GPHN: variants seen among roughly 807,000 people sequenced by gnomAD.
GPHN encodes the protein gephyrin.
In GPHN, 17 loss-of-function variants were observed where a neutral mutation model predicts 95.5. The ratio of observed to expected loss-of-function variants is 0.18; its 90% confidence interval spans 0.12 to 0.27. GPHN has a LOEUF of 0.27. GPHN is among the 10% of genes least tolerant of loss of function. The probability of loss-of-function intolerance (pLI) is 1.00; values close to 1 mark genes in which losing one functional copy is unlikely to be tolerated. For synonymous variants in GPHN, 320 were observed against 322.5 expected, an observed-to-expected ratio of 0.99 and a Z score of 0.08; for missense variants, 660 against 978.1, an observed-to-expected ratio of 0.67 and a Z score of 4.34.
chr14:67,289,465 A>G, the GPHN span, among the ~76,000 whole-genome samples: 1 of 152,056 alleles, frequency 6.6e-6, no homozygotes, highest in African/African-American at 2.4e-5. Context: ...AGCATCTGCA[A>G]ATTTTTCTGT....
the GPHN span, chr14:67,642,061 T>A: frequency 2.0e-6 from 2 of 976,654 alleles, no homozygotes; most frequent in African/African-American, 3.3e-5. Flanking sequence ...TTTGACATTT[T>A]AAATTTTACT....
the GPHN span, chr14:67,347,399 T>G: frequency 1.9e-6 from 3 of 1,595,210 alleles, no homozygotes; most frequent in Admixed American, 5.1e-5. Context: ...ACAAAAAGTT[T>G]CACACTTACT....
At chr14:66,794,000 C>G (rs1447879535) in intron 3 of GPHN, among the ~76,000 whole-genome samples, 4 of 152,060 alleles carry the variant, frequency 2.6e-5, no homozygotes, top group Non-Finnish European at 5.9e-5. Flanking sequence ...GACTGAATGA[C>G]AAGTATTTTT....
chr14:67,224,657 G>T, the GPHN span: 1 of 320,200 alleles, frequency 3.1e-6, no homozygotes, highest in South Asian at 2.5e-5. Context: ...CAAATTATGG[G>T]CTTATCTCTG....
the GPHN span, chr14:67,562,474 C>T: frequency 1.2e-6 from 2 of 1,613,706 alleles, no homozygotes; most frequent in South Asian, 2.2e-5. Flanking sequence ...GTTCAGCTTC[C>T]TGGGGTGAGG....
At chr14:67,436,431 T>C in the GPHN span, among the ~76,000 whole-genome samples, 1 of 152,296 alleles carries the variant, frequency 6.6e-6, no homozygotes, top group African/African-American at 2.4e-5. Flanking sequence ...GGCCCTGCAA[T>C]ACCAGCTCTC....
At chr14:66,559,649 A>G (rs2060148624) in intron 1 of GPHN, among the ~76,000 whole-genome samples, 1 of 151,936 alleles carries the variant, frequency 6.6e-6, no homozygotes, top group African/African-American at 2.4e-5. Context: ...GCCCCTTGTC[A>G]GATGAGTAGG....
chr14:67,315,209 T>A, the GPHN span, among the ~76,000 whole-genome samples: 1 of 152,102 alleles, frequency 6.6e-6, no homozygotes, highest in East Asian at 1.9e-4. Flanking sequence ...ACATTTTTAA[T>A]ATGTAAATGA....
At chr14:67,623,845 T>C in the GPHN span, among the ~76,000 whole-genome samples, 264 of 152,160 alleles carry the variant, frequency 1.7e-3, 14 homozygotes, top group South Asian at 0.054. Context: ...CCCAGCCACC[T>C]TTTATTTTTC....
At chr14:67,735,339 A>G in the GPHN span, 2 of 773,806 alleles carry the variant, frequency 2.6e-6, no homozygotes, top group Non-Finnish European at 4.8e-6. Flanking sequence ...AGGACCATCT[A>G]GTCTGCTCAG....
At chr14:66,534,998 A>G (rs1407669201) in intron 1 of GPHN, among the ~76,000 whole-genome samples, 1 of 152,084 alleles carries the variant, frequency 6.6e-6, no homozygotes, top group East Asian at 1.9e-4. Flanking sequence ...TAACTTATCA[A>G]GTTTGCTTTT....
chr14:67,703,058 G>A, the GPHN span, among the ~76,000 whole-genome samples: 1 of 152,122 alleles, frequency 6.6e-6, no homozygotes, highest in East Asian at 1.9e-4. Context: ...GGGCGCAAAT[G>A]ATCCTCCTAC....
the GPHN span, among the ~76,000 whole-genome samples, chr14:67,396,104 C>T: frequency 2.4e-4 from 36 of 152,108 alleles, no homozygotes; most frequent in African/African-American, 8.2e-4. Context: ...GATATAGTTT[C>T]AGCTCCTTCC....
At chr14:67,096,146 G>C (rs767132717) in intron 12 of GPHN, among the ~76,000 whole-genome samples, 26 of 152,194 alleles carry the variant, frequency 1.7e-4, no homozygotes, top group Admixed American at 2.0e-4. Context: ...GTAGTTGTTT[G>C]ACTGATTCTT....
At chr14:67,097,835 A>T (rs2077476433) in intron 12 of GPHN, among the ~76,000 whole-genome samples, 2 of 152,176 alleles carry the variant, frequency 1.3e-5, no homozygotes, top group African/African-American at 2.4e-5. Flanking sequence ...AATACATTAA[A>T]TATATTATAC....
intron 9 of GPHN, among the ~76,000 whole-genome samples, chr14:67,021,194 G>A (rs1355356991): frequency 6.6e-6 from 1 of 151,912 alleles, no homozygotes; most frequent in Non-Finnish European, 1.5e-5. Context: ...TTTCTTCAGT[G>A]GTGTATAGGT....
intron 19 of GPHN, 53 bp downstream of exon 19, chr14:67,159,541 A>T (rs1355420553): frequency 5.1e-6 from 5 of 971,986 alleles, no homozygotes; most frequent in African/African-American, 4.8e-5. Flanking sequence ...GCTTGCTTTA[A>T]CTAACAAATT....
chr14:67,643,235 T>C, the GPHN span, among the ~76,000 whole-genome samples: 78 of 152,322 alleles, frequency 5.1e-4, 1 homozygote, highest in Non-Finnish European at 7.2e-4. Context: ...GTGCTAGAGA[T>C]TGCAGGAAAT....
the GPHN span, chr14:67,579,445 G>C: frequency 1.3e-6 from 1 of 767,700 alleles, no homozygotes; most frequent in Non-Finnish European, 2.0e-6. Flanking sequence ...CTCACTGCAT[G>C]AACAGGGAAG....
Sources: gnomAD v4.1 joint callset for allele counts (sites outside exome capture counted in the v4.1 genomes callset) on GRCh38, gnomAD v4.1.1 for gene constraint, MANE v1.5 for transcripts, NCBI Gene and HGNC (gene_info 2026-07-23, HGNC 2026-07-21) for gene names.